The following MINDY4 variants were observed in gnomAD, a reference collection of about 807,000 sequenced individuals.
MINDY4 encodes MINDY lysine 48 deubiquitinase 4, also known as probable ubiquitin carboxyl-terminal hydrolase MINDY-4.
Under a neutral mutation model 87.0 loss-of-function variants are expected in MINDY4, and 68 were observed. The observed-to-expected ratio is 0.78, with a 90% CI of 0.64 to 0.96. The LOEUF (loss-of-function observed/expected upper bound fraction) is 0.96. MINDY4 is among the 40% of genes least tolerant of loss of function. The pLI is 0.00. For missense variants in MINDY4, 919 were observed against 928.2 expected (o/e 0.99, Z 0.13); for synonymous variants, 379 against 363.2 (o/e 1.04, Z -0.50).
intron 14 of MINDY4, among the ~76,000 whole-genome samples, chr7:30,873,400 A>C (rs1790165642): frequency 6.6e-6 from 1 of 152,166 alleles, no homozygotes; most frequent in Non-Finnish European, 1.5e-5. Context: ...TTTCACTCAC[A>C]ATATGAGCTG....
At chr7:30,810,885 G>A (rs1207515406) in intron 5 of MINDY4, among the ~76,000 whole-genome samples, 1 of 151,912 alleles carries the variant, frequency 6.6e-6, no homozygotes, top group East Asian at 1.9e-4. Context: ...CAGTAAGAAG[G>A]CACCAAAGAC....
At chr7:30,801,687 T>A (rs549924687) in intron 5 of MINDY4, among the ~76,000 whole-genome samples, 107 of 152,288 alleles carry the variant, frequency 7.0e-4, no homozygotes, top group African/African-American at 2.5e-3. Flanking sequence ...AAAATGGGGT[T>A]GATGACCCCT....
rs1245265440 is a variant in MINDY4 at position 30,862,937 on chromosome 7, A to G, written c.1745+3613A>G. 2.0e-5 allele frequency among the ~76,000 whole-genome samples: 3 copies of G among 152,118 alleles called. No homozygotes were observed. In the East Asian group the frequency reaches 5.8e-4, roughly 29 times the overall value. On this transcript the variant is annotated intron_variant, in intron 13 of 17. Coordinates refer to ENST00000265299, the MANE Select transcript of MINDY4 (RefSeq NM_032222.3). ...TTTTCAAGCTCACTGTGTGAAGCAG[A>G]TGCAGCGGAATGACTTTGATTAGAG... is the stretch of plus-strand genomic sequence containing the variant.
At chr7:30,831,940 A>G (rs142763583) in intron 6 of MINDY4, among the ~76,000 whole-genome samples, 201 of 152,300 alleles carry the variant, frequency 1.3e-3, no homozygotes, top group African/African-American at 4.4e-3. Context: ...TTCTCAAACC[A>G]CTGACATTTA....
chr7:30,838,645 G>T (rs748593068), intron 7 of MINDY4, among the ~76,000 whole-genome samples: 3 of 152,108 alleles, frequency 2.0e-5, no homozygotes, highest in Non-Finnish European at 4.4e-5. Flanking sequence ...TTGGCCTGTG[G>T]GTCACAGTTT....
At chr7:30,888,250 G>T (rs1268229169) in intron 17 of MINDY4, among the ~76,000 whole-genome samples, 2 of 152,186 alleles carry the variant, frequency 1.3e-5, no homozygotes, top group African/African-American at 2.4e-5. Context: ...AGGGACCATG[G>T]TGTTTTTACG....
intron 13 of MINDY4, among the ~76,000 whole-genome samples, chr7:30,862,887 A>AT (rs142347783): frequency 0.042 from 6,319 of 152,010 alleles, 208 homozygotes; most frequent in Non-Finnish European, 0.061. Flanking sequence ...ACAAAATCTG[A>AT]TTTTTTTTAC....
chr7:30,844,904 C>T (rs1584305723), intron 9 of MINDY4, among the ~76,000 whole-genome samples: 1 of 152,304 alleles, frequency 6.6e-6, no homozygotes, highest in East Asian at 1.9e-4. Context: ...ATGCAAAGTC[C>T]TTTGTAAATC....
intron 15 of MINDY4, among the ~76,000 whole-genome samples, chr7:30,879,196 G>A (rs1790382469): frequency 6.6e-6 from 1 of 151,696 alleles, no homozygotes; most frequent in South Asian, 2.1e-4. Flanking sequence ...GGCCTTTAAG[G>A]AAATGATTAA....
chr7:30,802,635 AG>A (rs1787690058), intron 5 of MINDY4, among the ~76,000 whole-genome samples: 2 of 152,222 alleles, frequency 1.3e-5, no homozygotes, highest in Admixed American at 1.3e-4. Context: ...TGTCTGTGAT[AG>A]TATCGTGAAA....
chr7:30,866,317 C>T (rs1789934381), intron 13 of MINDY4, among the ~76,000 whole-genome samples: 1 of 152,208 alleles, frequency 6.6e-6, no homozygotes, highest in Non-Finnish European at 1.5e-5. Context: ...AGGTAATTAA[C>T]CTGCTGAAAG....
In MINDY4 at chr7:30,855,466, C is replaced by T. The variant is rs377377055; in HGVS notation, c.1677+2007C>T. ...CCAGGAATGGGATCACCTGGTCACA[C>T]TCCCAGCTGAAGCAGAACGTGGAGC... On this transcript the variant is annotated intron_variant, in intron 12 of 17. Coordinates refer to ENST00000265299, the MANE Select transcript of MINDY4 (RefSeq NM_032222.3). 2.1e-4 allele frequency among the ~76,000 whole-genome samples: 32 copies of T among 152,334 alleles called. 1 individual carries two copies. Among genetic ancestry groups the T allele is most frequent in the African/African-American group, 7.5e-4 (31 of 41,580 alleles).
Position 30,882,905 on chromosome 7 carries a change from C to T in MINDY4, c.2153-16C>T, listed in dbSNP as rs747752019. ...GGCCCTGGGTGACATGTGTGTGCCT[C>T]TCTCCTCCTTCCCAGACACCACCCA... On this transcript the variant is annotated splice_polypyrimidine_tract_variant and intron_variant, in intron 16 of 17. Transcript: ENST00000265299. 2 of 1,613,450 alleles carry T rather than the reference C, an allele frequency of 1.2e-6. No homozygotes were observed. Among genetic ancestry groups the T allele is most frequent in the African/African-American group, 2.7e-5 (2 of 74,854 alleles).
At chr7:30,868,519 G>A (rs957742040) in intron 13 of MINDY4, among the ~76,000 whole-genome samples, 3 of 152,250 alleles carry the variant, frequency 2.0e-5, no homozygotes, top group African/African-American at 7.2e-5. Context: ...CTTCCGGGAT[G>A]TATGGACAGA....
At chr7:30,851,735 C>A (rs1789419862) in intron 10 of MINDY4, among the ~76,000 whole-genome samples, 1 of 152,188 alleles carries the variant, frequency 6.6e-6, no homozygotes, top group Non-Finnish European at 1.5e-5. Context: ...GGCTACACAG[C>A]CACTAAAGGA....
Position 30,872,260 on chromosome 7 carries a change from A to G in MINDY4, c.1763A>G (p.Asp588Gly), listed in dbSNP as rs377218227. The G allele has an allele frequency of 2.4e-5, 38 of 1,614,094 alleles. No individual in the cohort carries two copies. Among genetic ancestry groups the G allele is most frequent in the Non-Finnish European group, 3.1e-5 (36 of 1,179,982 alleles). The change falls in exon 14 of 18, where the codon GAT (aspartate) becomes GGT (glycine). Residue 588 changes from aspartate (D) to glycine (G), a missense_variant. Transcript: ENST00000265299. ...TTTTCCAGCATCCGCCAGGACTTTGATGTCCCCACCAGCCACCTGATTGGA... is the reference window on the plus strand; with the variant it reads ...TTTTCCAGCATCCGCCAGGACTTTGGTGTCCCCACCAGCCACCTGATTGGA... ...RSTELIRQDFDVPTSHLIGAH... is the reference protein window; with the variant it reads ...RSTELIRQDFGVPTSHLIGAH...
chr7:30,777,688 C>T (rs1266769933), intron 1 of MINDY4, among the ~76,000 whole-genome samples: 1 of 152,148 alleles, frequency 6.6e-6, no homozygotes, highest in Non-Finnish European at 1.5e-5. Context: ...AAGGAACACC[C>T]CTAACACCAG....
chr7:30,773,667 C>T (rs1786713849), intron 1 of MINDY4, among the ~76,000 whole-genome samples: 1 of 152,160 alleles, frequency 6.6e-6, no homozygotes, highest in Non-Finnish European at 1.5e-5. Context: ...CTGTGCCATC[C>T]TCCCTCTGCC....
At chr7:30,883,767 G>A (rs1156907677) in intron 17 of MINDY4, among the ~76,000 whole-genome samples, 1 of 152,168 alleles carries the variant, frequency 6.6e-6, no homozygotes, top group Non-Finnish European at 1.5e-5. Context: ...GGGAGGGAGA[G>A]GCCTGGATCC....
Sources: allele counts gnomAD v4.1 joint callset (sites outside exome capture counted in the v4.1 genomes callset), GRCh38; gene constraint gnomAD v4.1.1; transcripts MANE v1.5; gene names NCBI Gene and HGNC (gene_info 2026-07-23, HGNC 2026-07-21).